The following CSMD2 variants were observed in gnomAD, a reference collection of about 807,000 sequenced individuals.
CSMD2 encodes the protein CUB and Sushi multiple domains 2.
CSMD2 carries 130 observed loss-of-function variants against 398.5 expected under a neutral mutation model. The ratio of observed to expected loss-of-function variants is 0.33; its 90% CI spans 0.28 to 0.38. The LOEUF is 0.38. CSMD2 is among the 10% of genes least tolerant of loss of function. The probability of loss-of-function intolerance (pLI) is 1.00; values close to 1 mark genes in which losing one functional copy is unlikely to be tolerated. For synonymous variants in CSMD2, 1,828 were observed against 1,908.5 expected (o/e 0.96, Z 1.10); for missense variants, 3,829 against 4,764.9 (o/e 0.80, Z 5.78).
intron 5 of CSMD2, among the ~76,000 whole-genome samples, chr1:33,876,813 C>T (rs1305805921): frequency 6.6e-6 from 1 of 152,172 alleles, no homozygotes; most frequent in African/African-American, 2.4e-5. Flanking sequence ...CCCTGGAACT[C>T]TCAAGGCCCC....
chr1:34,158,718 C>G (rs1303220657), intron 1 of CSMD2, among the ~76,000 whole-genome samples: 2 of 152,070 alleles, frequency 1.3e-5, no homozygotes, highest in Non-Finnish European at 2.9e-5. Context: ...AACAATGGGC[C>G]CAGCACTGTA....
At position 33,714,682 on chromosome 1, in the gene CSMD2, G is replaced by A. The variant is rs1053705162; in HGVS notation, c.3311C>T (p.Ser1104Phe). ...QFGVGDTLTF[S>F]CFPGYRLEGT... ...CTCCAGACGGTACCCGGGGAAGCAGGAGAAGGTCAAGGTGTCGCCCACGCC... is the reference window on the plus strand; with the variant it reads ...CTCCAGACGGTACCCGGGGAAGCAGAAGAAGGTCAAGGTGTCGCCCACGCC... Residue 1104 changes from serine (S) to phenylalanine (F), a missense_variant, in exon 21 of 71, where the codon TCC becomes TTC. This residue lies in a region of CSMD2 where 2,001 missense variants were observed against 2,567.1 expected (regional missense o/e 0.78). Coordinates refer to ENST00000373381, the MANE Select transcript of CSMD2 (RefSeq NM_001281956.2). 8 of 1,614,084 alleles carry A rather than the reference G, an allele frequency of 5.0e-6. No homozygotes were observed. In the Admixed American group the frequency reaches 6.7e-5, roughly 13 times the overall value.
intron 1 of CSMD2, among the ~76,000 whole-genome samples, chr1:34,138,439 G>T (rs1163869502): frequency 6.6e-6 from 1 of 152,196 alleles, no homozygotes; most frequent in African/African-American, 2.4e-5. Context: ...CTGAGCCTCT[G>T]TTTTCTCCAT....
intron 24 of CSMD2, 78 bp from the exon 25 acceptor site, chr1:33,693,134 G>A: frequency 6.8e-7 from 1 of 1,478,280 alleles, no homozygotes; most frequent in African/African-American, 1.4e-5. Flanking sequence ...CCTTTTGCCT[G>A]TTTGCTCTTG....
At chr1:33,684,825 T>A (rs1645015962) in intron 25 of CSMD2, among the ~76,000 whole-genome samples, 1 of 152,240 alleles carries the variant, frequency 6.6e-6, no homozygotes, top group South Asian at 2.1e-4. Context: ...AGAATTATGA[T>A]CTGTCCTCGC....
chr1:34,064,697 AT>A (rs1277811807), intron 2 of CSMD2, among the ~76,000 whole-genome samples: 2 of 151,942 alleles, frequency 1.3e-5, no homozygotes, highest in Non-Finnish European at 2.9e-5. Flanking sequence ...TTGCTTCCAC[AT>A]TTTCGGGTAT....
chr1:33,660,745 G>C (rs1213662575), intron 26 of CSMD2, among the ~76,000 whole-genome samples: 1 of 152,208 alleles, frequency 6.6e-6, no homozygotes, highest in South Asian at 2.1e-4. Flanking sequence ...CCTTCTGTTA[G>C]AGAAAACCAT....
chr1:34,031,530 A>G (rs1650416292), intron 3 of CSMD2, among the ~76,000 whole-genome samples: 1 of 152,064 alleles, frequency 6.6e-6, no homozygotes, highest in African/African-American at 2.4e-5. Context: ...AGCAACCTTT[A>G]GTTAAAAATA....
chr1:33,906,575 T>C (rs146304679), intron 5 of CSMD2, among the ~76,000 whole-genome samples: 3 of 152,330 alleles, frequency 2.0e-5, no homozygotes, highest in African/African-American at 7.2e-5. Flanking sequence ...AGGGATTAAA[T>C]AGGGATATTC....
intron 2 of CSMD2, among the ~76,000 whole-genome samples, chr1:34,059,172 C>G (rs966933680): frequency 1.3e-5 from 2 of 152,154 alleles, no homozygotes; most frequent in Non-Finnish European, 1.5e-5. Flanking sequence ...GACATTATGA[C>G]CCTAAGGTCA....
At chr1:33,869,240 C>A (rs1052327846) in intron 5 of CSMD2, 1 of 152,182 alleles carries the variant, frequency 6.6e-6, no homozygotes, top group Non-Finnish European at 1.5e-5. Context: ...AAGGGGATTA[C>A]CCCTCTGCCC....
At chr1:34,031,636 A>T (rs1019519215) in intron 3 of CSMD2, among the ~76,000 whole-genome samples, 9 of 151,964 alleles carry the variant, frequency 5.9e-5, no homozygotes, top group Non-Finnish European at 1.2e-4. Context: ...TTTGCTAAGG[A>T]GGCAGAACTT....
At chr1:33,553,385 C>A (rs899932941) in intron 55 of CSMD2, among the ~76,000 whole-genome samples, 2 of 152,210 alleles carry the variant, frequency 1.3e-5, no homozygotes, top group African/African-American at 2.4e-5. Flanking sequence ...ATGAACCATG[C>A]ACACATAAAA....
intron 1 of CSMD2, among the ~76,000 whole-genome samples, chr1:34,147,647 C>CAG (rs10679662): frequency 0.99 from 150,967 of 152,034 alleles, 74,961 homozygotes; most frequent in Middle Eastern, 1. Context: ...AAAGTGGGTG[C>CAG]AGTCAGGGAG....
chr1:34,159,157 T>C lies in CSMD2; in HGVS notation c.187+5754A>G, dbSNP rs146418593. ...TGTGCTCTACACTGCCCTGCCTCAG[T>C]TCACAGTCCTTTAGGGAAATGAGAC... is the stretch of plus-strand genomic sequence containing the variant. On this transcript the variant is annotated intron_variant, in intron 1 of 70. Coordinates refer to ENST00000373381, the MANE Select transcript of CSMD2 (RefSeq NM_001281956.2). Among the ~76,000 whole-genome samples the C allele has an allele frequency of 1.9e-3, 288 of 152,286 alleles. 1 individual carries two copies. Among genetic ancestry groups the C allele is most frequent in the African/African-American group, 6.6e-3 (275 of 41,562 alleles).
intron 9 of CSMD2, 40 bp downstream of exon 9, chr1:33,819,673 C>CA: frequency 6.2e-7 from 1 of 1,601,366 alleles, no homozygotes; most frequent in African/African-American, 1.3e-5. Flanking sequence ...AGGCTCAGCC[C>CA]AACTCTCTGG....
chr1:33,774,364 G>A (rs1651695095), intron 12 of CSMD2, among the ~76,000 whole-genome samples: 1 of 152,132 alleles, frequency 6.6e-6, no homozygotes, highest in East Asian at 1.9e-4. Context: ...GGATGGGGGA[G>A]GGGATACACT....
At chr1:34,039,987 T>C (rs1264367889) in intron 2 of CSMD2, among the ~76,000 whole-genome samples, 1 of 152,054 alleles carries the variant, frequency 6.6e-6, no homozygotes, top group Non-Finnish European at 1.5e-5. Context: ...ATCCCATCTC[T>C]ATAAAAATGT....
chr1:34,081,574 A>G (rs1437179247), intron 2 of CSMD2, among the ~76,000 whole-genome samples: 2 of 151,976 alleles, frequency 1.3e-5, no homozygotes, highest in African/African-American at 4.8e-5. Context: ...GCGCGCCGCC[A>G]CGCCTGACTG....
Sources: allele counts gnomAD v4.1 joint callset (sites outside exome capture counted in the v4.1 genomes callset), GRCh38; gene constraint gnomAD v4.1.1; regional missense constraint gnomAD v4.1.1; transcripts MANE v1.5; gene names NCBI Gene and HGNC (gene_info 2026-07-23, HGNC 2026-07-21).